PRKN: variants seen among roughly 807,000 people sequenced by gnomAD.
The protein encoded by PRKN is E3 ubiquitin-protein ligase parkin.
PRKN carries 56 observed loss-of-function variants against 59.5 expected under a neutral mutation model. The observed-to-expected ratio is 0.94, with a 90% CI of 0.76 to 1.18. The LOEUF (loss-of-function observed/expected upper bound fraction) is 1.18, where lower values mean the gene tolerates loss of function less well. PRKN is among the 50% of genes most tolerant of loss of function. PRKN has a pLI of 0.00. For synonymous variants in PRKN, 250 were observed against 222.1 expected, an observed-to-expected ratio of 1.13 and a Z score of -1.12; for missense variants, 657 against 596.4, an observed-to-expected ratio of 1.10 and a Z score of -1.06.
intron 7 of PRKN, among the ~76,000 whole-genome samples, chr6:161,630,138 T>G (rs545642117): frequency 3.3e-5 from 5 of 152,198 alleles, no homozygotes; most frequent in Non-Finnish European, 7.4e-5. Flanking sequence ...AGGTTTTTAC[T>G]GTGTACTAGA....
intron 4 of PRKN, among the ~76,000 whole-genome samples, chr6:162,116,659 A>G (rs925538545): frequency 6.6e-6 from 1 of 152,214 alleles, no homozygotes; most frequent in African/African-American, 2.4e-5. Context: ...ATGGGTTCAG[A>G]GATAAAACAA....
At position 162,076,927 on chromosome 6, in the gene PRKN, C is replaced by T. The variant is rs890604026; in HGVS notation, c.535-22753G>A. Among the ~76,000 whole-genome samples, 3 of 152,058 alleles carry T rather than the reference C, an allele frequency of 2.0e-5. No homozygotes were observed. The South Asian group carries it at 6.2e-4, about 32-fold the overall frequency. On this transcript the variant is annotated intron_variant, in intron 4 of 11. Transcript: ENST00000366898. ...TTTTCAGGGGAACAATTTTCTTCCC[C>T]CACATGCCTGTCATTGCTCAGAGAA... is the stretch of plus-strand genomic sequence containing the variant.
At chr6:162,302,963 T>TACACACACAAACAC (rs1554297631) in intron 2 of PRKN, among the ~76,000 whole-genome samples, 1 of 139,494 alleles carries the variant, frequency 7.2e-6, no homozygotes, top group African/African-American at 2.8e-5. Flanking sequence ...GCCTTAAACA[T>TACACACACAAACAC]ACACACACAC....
In PRKN at chr6:161,487,720, C is replaced by T. The variant is rs913824627; in HGVS notation, c.1083+61134G>A. 4.6e-5 allele frequency among the ~76,000 whole-genome samples: 7 copies of T among 152,090 alleles called. No homozygotes were observed. The highest frequency in any genetic ancestry group is 7.2e-5 in the African/African-American group (3 of 41,406). On this transcript the variant is annotated intron_variant, in intron 9 of 11. Coordinates refer to ENST00000366898, the MANE Select transcript of PRKN (RefSeq NM_004562.3). The surrounding 1 kb of genome is among the most constrained non-coding windows in gnomAD (Gnocchi z 5.3). ...TTCTTTTCCATTCATTCAGAAAAAG[C>T]GCCTATGGAGGCTCGCGAATAGAGA...
At chr6:161,534,785 C>T (rs1371075267) in intron 9 of PRKN, among the ~76,000 whole-genome samples, 1 of 152,164 alleles carries the variant, frequency 6.6e-6, no homozygotes, top group African/African-American at 2.4e-5. Context: ...ACAATTTTCC[C>T]CTACAAGTAT....
At chr6:162,195,127 G>T (rs577407077) in intron 4 of PRKN, among the ~76,000 whole-genome samples, 1 of 152,196 alleles carries the variant, frequency 6.6e-6, no homozygotes, top group Non-Finnish European at 1.5e-5. Context: ...ACTGTAACGC[G>T]ATGCAAAACA....
intron 9 of PRKN, among the ~76,000 whole-genome samples, chr6:161,436,443 C>T (rs772451175): frequency 1.8e-5 from 2 of 108,960 alleles, no homozygotes; most frequent in Non-Finnish European, 3.6e-5. Flanking sequence ...CCACTCTCTG[C>T]AAACTCAAGA....
chr6:162,160,908 A>G lies in PRKN; in HGVS notation c.534+40223T>C, dbSNP rs781238363. The stretch of plus-strand genomic sequence containing the variant: ...TCCGTCTCAAAAAAAAAAAAAAAAA[A>G]AAAAAAAAAGAAAAAGAGGGGACTT... On this transcript the variant is annotated intron_variant, in intron 4 of 11. Transcript: ENST00000366898. Among the ~76,000 whole-genome samples the G allele has an allele frequency of 1.3e-3, 179 of 140,418 alleles. 1 individual carries two copies. Among genetic ancestry groups the G allele is most frequent in the South Asian group, 2.7e-3 (12 of 4,458 alleles). 92.1% of individuals were successfully genotyped at this position (140,418 alleles called of 152,430 possible).
chr6:162,079,302 G>T (rs952937805), intron 4 of PRKN, among the ~76,000 whole-genome samples: 6 of 152,146 alleles, frequency 3.9e-5, no homozygotes, highest in African/African-American at 1.4e-4. Context: ...AGACAGAATA[G>T]GCAGATACTC....
At chr6:162,403,295 G>C (rs1333039352) in intron 2 of PRKN, among the ~76,000 whole-genome samples, 2 of 152,024 alleles carry the variant, frequency 1.3e-5, no homozygotes, top group Non-Finnish European at 2.9e-5. Flanking sequence ...CTTTGGGCTT[G>C]CTGCTCCTTT....
At chr6:161,837,292 T>A (rs1030526856) in intron 6 of PRKN, among the ~76,000 whole-genome samples, 6 of 151,982 alleles carry the variant, frequency 3.9e-5, no homozygotes, top group African/African-American at 1.5e-4. Context: ...GAATAAACAT[T>A]GAAGAGGAAA....
At chr6:162,235,973 G>GAAAGAAAGAA (rs1562602441) in intron 3 of PRKN, among the ~76,000 whole-genome samples, 15 of 96,014 alleles carry the variant, frequency 1.6e-4, no homozygotes, top group African/African-American at 9.8e-4. Context: ...AAGAAAGAAA[G>GAAAGAAAGAA]AAAGAAAGAA....
chr6:162,542,388 T>C (rs1192374837), intron 1 of PRKN, among the ~76,000 whole-genome samples: 1 of 152,146 alleles, frequency 6.6e-6, no homozygotes, highest in Non-Finnish European at 1.5e-5. Context: ...CAGGCAGAAT[T>C]GAGACTCTAA....
At chr6:162,055,813 C>T (rs956241240) in intron 4 of PRKN, among the ~76,000 whole-genome samples, 2 of 152,066 alleles carry the variant, frequency 1.3e-5, no homozygotes, top group Non-Finnish European at 2.9e-5. Context: ...CAGTGTAGAG[C>T]CGCCCTGGCA....
intron 1 of PRKN, among the ~76,000 whole-genome samples, chr6:162,708,707 G>A (rs1778419644): frequency 6.6e-6 from 1 of 152,182 alleles, no homozygotes; most frequent in African/African-American, 2.4e-5. Context: ...CCCCATTCCA[G>A]GCACCTTCAG....
chr6:161,768,971 G>T (rs979701000), intron 7 of PRKN, among the ~76,000 whole-genome samples: 3 of 152,112 alleles, frequency 2.0e-5, no homozygotes, highest in African/African-American at 7.2e-5. Context: ...AGAAAATCTG[G>T]TTTTGTGCAA....
chr6:161,956,547 ACT>A (rs1176649431), intron 6 of PRKN, among the ~76,000 whole-genome samples: 2 of 150,552 alleles, frequency 1.3e-5, no homozygotes, highest in East Asian at 2.0e-4. Context: ...GGAAAAATAA[ACT>A]CTCTCAATTA....
At chr6:162,219,726 T>G (rs1187562966) in intron 3 of PRKN, among the ~76,000 whole-genome samples, 1 of 152,202 alleles carries the variant, frequency 6.6e-6, no homozygotes, top group East Asian at 1.9e-4. Flanking sequence ...CTTGATTTGA[T>G]TCTTCGGTCC....
Position 162,262,692 on chromosome 6 carries a change from G to T in PRKN, c.245C>A (p.Ala82Glu), listed in dbSNP as rs55774500. 2.7e-3 allele frequency: 4,387 copies of T among 1,611,002 alleles called. 18 individuals are homozygous for T. The highest frequency in any genetic ancestry group is 3.5e-3 in the Middle Eastern group (21 of 6,056). The change falls in exon 3 of 12, where the codon GCA becomes GAA. Residue 82 changes from alanine (A) to glutamate (E), a missense_variant. Transcript: ENST00000366898. ...RPWRKGQEMN[A>E]TGGDDPRNAA... Reference sequence around the variant, plus strand: ...GTTTCTGGGGTCGTCGCCTCCAGTTGCATTCATTTCTTGACCTTTTCTCCA... The same window carrying T: ...GTTTCTGGGGTCGTCGCCTCCAGTTTCATTCATTTCTTGACCTTTTCTCCA...
Sources: gnomAD v4.1 joint callset for allele counts (sites outside exome capture counted in the v4.1 genomes callset) on GRCh38, gnomAD v4.1.1 for gene constraint, Gnocchi (gnomAD v3.1) non-coding constraint, MANE v1.5 for transcripts, NCBI Gene and HGNC (gene_info 2026-07-23, HGNC 2026-07-21) for gene names.